Variants in TCTN2 observed in about 807,000 individuals in gnomAD.
TCTN2 encodes the protein tectonic-2.
Under a neutral mutation model 83.4 loss-of-function variants are expected in TCTN2, and 66 were observed. The observed-to-expected ratio is 0.79, with a 90% CI of 0.65 to 0.97. TCTN2 has a LOEUF of 0.97. Among genes scored for constraint, TCTN2 ranks in the 50% least tolerant of loss-of-function variants. The pLI is 0.00. For synonymous variants in TCTN2, 301 were observed against 326.7 expected (o/e 0.92, Z 0.85); for missense variants, 794 against 858.1 (o/e 0.93, Z 0.93).
chr12:123,690,027 T>G (rs1200642490), intron 7 of TCTN2, among the ~76,000 whole-genome samples: 1 of 152,200 alleles, frequency 6.6e-6, no homozygotes, highest in East Asian at 1.9e-4. Flanking sequence ...CTTGAACTCC[T>G]GGGCTCAAAT....
intron 2 of TCTN2, 130 bp downstream of exon 2, chr12:123,671,744 A>G (rs1955755836): frequency 1.3e-6 from 1 of 781,414 alleles, no homozygotes; most frequent in Non-Finnish European, 2.1e-6. Context: ...GGAGAAAAGG[A>G]TCGGGCGGCT....
chr12:123,682,642 T>C (rs906018591), intron 5 of TCTN2, among the ~76,000 whole-genome samples: 2 of 151,810 alleles, frequency 1.3e-5, no homozygotes, highest in Non-Finnish European at 2.9e-5. Flanking sequence ...CCACCACGCC[T>C]GGCTAATTTT....
intron 14 of TCTN2, among the ~76,000 whole-genome samples, chr12:123,702,054 A>G (rs1020151668): frequency 6.6e-6 from 1 of 152,158 alleles, no homozygotes. Flanking sequence ...CTAGAATGAA[A>G]ACCTGGGGTT....
chr12:123,697,777 AGCCACCGC>A (rs551133834), intron 13 of TCTN2, among the ~76,000 whole-genome samples: 127 of 152,128 alleles, frequency 8.3e-4, no homozygotes, highest in African/African-American at 3.0e-3. Flanking sequence ...TATAGGCGTA[AGCCACCGC>A]GCCTGGCCTC....
chr12:123,706,090 T>C (rs1956226399), intron 15 of TCTN2, among the ~76,000 whole-genome samples: 1 of 152,190 alleles, frequency 6.6e-6, no homozygotes, highest in African/African-American at 2.4e-5. Context: ...GGGCAGACTT[T>C]TATTGGTTCA....
chr12:123,671,602 C>T lies in TCTN2; in HGVS notation c.178C>T (p.Gln60Ter). The T allele has an allele frequency of 6.2e-7, 1 of 1,612,776 alleles. No homozygotes were observed. The highest frequency in any genetic ancestry group is 8.5e-7 in the Non-Finnish European group (1 of 1,179,952). ...EGVTVSLAVLQDEAGILPIPT... is the reference protein window; with the variant it reads ...EGVTVSLAVL ...TGTGACCGTGTCCCTGGCAGTGCTG[C>T]AGGACGAGGCGGGTAAAGTCCGGCC... is the stretch of plus-strand genomic sequence containing the variant. Residue 60 changes from glutamine to a stop codon, truncating the protein, a stop_gained, in exon 2 of 18, where the codon CAG becomes TAG. Transcript: ENST00000303372. LOFTEE classifies it high-confidence loss of function.
chr12:123,705,453 G>T (rs1490112013), intron 15 of TCTN2, among the ~76,000 whole-genome samples: 2 of 152,068 alleles, frequency 1.3e-5, no homozygotes, highest in African/African-American at 4.8e-5. Context: ...GAGCCACCGC[G>T]CCCAGCCTGC....
intron 9 of TCTN2, among the ~76,000 whole-genome samples, chr12:123,694,119 G>A (rs959295399): frequency 6.6e-5 from 10 of 151,528 alleles, no homozygotes; most frequent in African/African-American, 2.2e-4. Context: ...TCAGCCTCCC[G>A]AGTAGCTGGG....
intron 11 of TCTN2, chr12:123,695,592 T>C (rs1956098076): frequency 4.3e-6 from 1 of 232,740 alleles, no homozygotes; most frequent in African/African-American, 2.3e-5. Flanking sequence ...TGGCTTTTTT[T>C]TTTTTTTTTT....
At chr12:123,690,704 C>T (rs373815823) in intron 8 of TCTN2, 30 bp downstream of exon 8, 2 of 1,611,472 alleles carry the variant, frequency 1.2e-6, no homozygotes, top group Admixed American at 3.3e-5. Context: ...AAAAAGAACA[C>T]AGGCCCAAAC....
At position 123,695,047 on chromosome 12, in the gene TCTN2, A is replaced by G. The variant is rs1178349044; in HGVS notation, c.1234+71A>G. ...TTTTTTTCCTCTTTTCAAGATTCTC[A>G]TAATTATAACCCATAAAACTAAGTT... On this transcript the variant is annotated intron_variant, in intron 10 of 17. Transcript: ENST00000303372. 5 of 1,591,922 alleles carry G rather than the reference A, an allele frequency of 3.1e-6. No homozygotes were observed. In the African/African-American group the frequency reaches 4.0e-5, roughly 13 times the overall value.
At chr12:123,677,016 GAAAATAT>G (rs1955831941) in intron 4 of TCTN2, among the ~76,000 whole-genome samples, 1 of 151,978 alleles carries the variant, frequency 6.6e-6, no homozygotes. Flanking sequence ...TGTCTTTACA[GAAAATAT>G]GAACGTTACC....
chr12:123,686,732 A>G (rs1955971682), intron 5 of TCTN2, 104 bp from the exon 6 acceptor site: 1 of 1,097,328 alleles, frequency 9.1e-7, no homozygotes, highest in Non-Finnish European at 1.4e-6. Context: ...TTTCTTGCTT[A>G]CTTGGTAGTG....
intron 13 of TCTN2, among the ~76,000 whole-genome samples, chr12:123,697,456 C>T (rs113966192): frequency 6.6e-6 from 1 of 152,186 alleles, no homozygotes; most frequent in East Asian, 1.9e-4. Context: ...ACAAATGTCT[C>T]TGCCAAAGTT....
intron 5 of TCTN2, among the ~76,000 whole-genome samples, chr12:123,684,055 G>A (rs748049338): frequency 1.2e-4 from 18 of 152,084 alleles, no homozygotes; most frequent in Non-Finnish European, 2.5e-4. Flanking sequence ...ATGTTTCATT[G>A]GTTTTTTACT....
At position 123,686,361 on chromosome 12, in the gene TCTN2, GATGAC is replaced by G. The variant is rs144349748; in HGVS notation, c.565-472_565-468del. ...TGCACCCAGCCCCAAGCAATTTCTT[GATGAC>G]ATTAATTGGGTCGTGTTATAATCTA... On this transcript the variant is annotated intron_variant, in intron 5 of 17. Transcript: ENST00000303372. 9.1e-3 allele frequency among the ~76,000 whole-genome samples: 1,378 copies of G among 152,188 alleles called. 21 individuals are homozygous for G. Among genetic ancestry groups the G allele is most frequent in the African/African-American group, 0.031 (1,296 of 41,528 alleles).
At chr12:123,672,750 T>TA (rs550103987) in intron 3 of TCTN2, among the ~76,000 whole-genome samples, 13 of 149,624 alleles carry the variant, frequency 8.7e-5, no homozygotes, top group South Asian at 8.5e-4. Context: ...CCCTGTCTCT[T>TA]AAAAAAAAAG....
At position 123,696,468 on chromosome 12, in the gene TCTN2, G is replaced by A. The variant is rs747746554; in HGVS notation, c.1366G>A (p.Val456Ile). 3 of 1,614,128 alleles carry A rather than the reference G, an allele frequency of 1.9e-6. No individual in the cohort carries two copies. Among genetic ancestry groups the A allele is most frequent in the Admixed American group, 3.3e-5 (2 of 60,016 alleles). Residue 456 changes from valine (V) to isoleucine (I), a missense_variant, in exon 12 of 18, where the codon GTC (valine) becomes ATC (isoleucine). By Grantham distance (29) the Val-to-Ile change is conservative. Transcript: ENST00000303372. ...RALNINRMNN[V>I]TTLHLWQSAG... is the part of the protein sequence containing the mutation. ...TCTAAATATCAACAGGATGAATAAT[G>A]TCACGACTTTACATCTTTGGCAATC...
Position 123,706,973 on chromosome 12 carries a change from A to T in TCTN2, c.1896-12A>T, listed in dbSNP as rs758090881. The T allele has an allele frequency of 1.2e-6, 2 of 1,614,012 alleles. No homozygotes were observed. The highest frequency in any genetic ancestry group is 2.2e-5 in the South Asian group (2 of 91,080). On this transcript the variant is annotated splice_polypyrimidine_tract_variant and intron_variant, in intron 16 of 17. Coordinates refer to ENST00000303372, the MANE Select transcript of TCTN2 (RefSeq NM_024809.5). ...ACTTGTAGTTTTTGTAACCCTCTAA[A>T]ATGTTTTCTAGATTCCAGATCAATT... is the stretch of plus-strand genomic sequence containing the variant.
Sources: gnomAD v4.1 joint callset for allele counts (sites outside exome capture counted in the v4.1 genomes callset) on GRCh38, gnomAD v4.1.1 for gene constraint, MANE v1.5 for transcripts, NCBI Gene and HGNC (gene_info 2026-07-23, HGNC 2026-07-21) for gene names.